The following LDLRAD4 variants were observed in gnomAD, a reference collection of about 807,000 sequenced individuals.
The protein encoded by LDLRAD4 is low-density lipoprotein receptor class A domain-containing protein 4.
Under a neutral mutation model 17.0 loss-of-function variants are expected in LDLRAD4, and 5 were observed. The ratio of observed to expected loss-of-function variants is 0.29; its 90% confidence interval spans 0.15 to 0.62. LDLRAD4 has a LOEUF of 0.62. Among genes scored for constraint, LDLRAD4 ranks in the 20% least tolerant of loss-of-function variants. The pLI is 0.84. For synonymous variants in LDLRAD4, 168 were observed against 171.8 expected (o/e 0.98, Z 0.17); for missense variants, 340 against 424.7 (o/e 0.80, Z 1.75).
chr18:13,453,037 G>T (rs558764211), intron 3 of LDLRAD4, among the ~76,000 whole-genome samples: 1 of 152,350 alleles, frequency 6.6e-6, no homozygotes, highest in Admixed American at 6.5e-5. Context: ...TCAGCATGGG[G>T]AGCACCGCAG....
At chr18:13,539,453 A>G (rs1217889868) in intron 3 of LDLRAD4, among the ~76,000 whole-genome samples, 1 of 152,232 alleles carries the variant, frequency 6.6e-6, no homozygotes, top group Non-Finnish European at 1.5e-5. Flanking sequence ...GCCAATAGGA[A>G]AAACAGATGC....
chr18:13,359,676 A>G (rs1322971381), intron 1 of LDLRAD4, among the ~76,000 whole-genome samples: 1 of 152,206 alleles, frequency 6.6e-6, no homozygotes, highest in Non-Finnish European at 1.5e-5. Context: ...TCTCTCATGG[A>G]TGCCTAATTA....
intron 3 of LDLRAD4, among the ~76,000 whole-genome samples, chr18:13,529,046 T>G (rs1167673910): frequency 6.6e-6 from 1 of 152,252 alleles, no homozygotes; most frequent in South Asian, 2.1e-4. Context: ...GATGTCAGAA[T>G]GATGGGAAGT....
intron 3 of LDLRAD4, chr18:13,585,428 A>G (rs1379883327): frequency 6.6e-6 from 1 of 152,188 alleles, no homozygotes; most frequent in Non-Finnish European, 1.5e-5. Context: ...ATTATGCCTG[A>G]CCGTGGAGAT....
intron 1 of LDLRAD4, among the ~76,000 whole-genome samples, chr18:13,223,358 C>T (rs572632002): frequency 2.6e-4 from 40 of 152,344 alleles, no homozygotes; most frequent in African/African-American, 7.5e-4. Context: ...TGCCAGGTGT[C>T]GCGAGGACCC....
intron 3 of LDLRAD4, among the ~76,000 whole-genome samples, chr18:13,444,135 G>A (rs143056136): frequency 6.6e-6 from 1 of 152,166 alleles, no homozygotes; most frequent in Non-Finnish European, 1.5e-5. Context: ...AAGGATGGGG[G>A]TTCCCTGTCA....
chr18:13,350,706 A>G (rs1436181983), intron 1 of LDLRAD4, among the ~76,000 whole-genome samples: 1 of 152,200 alleles, frequency 6.6e-6, no homozygotes, highest in African/African-American at 2.4e-5. Flanking sequence ...ATCTTTGCCC[A>G]TGCCTGTGTC....
intron 3 of LDLRAD4, among the ~76,000 whole-genome samples, chr18:13,591,200 T>C (rs1043829733): frequency 6.6e-6 from 1 of 152,236 alleles, no homozygotes; most frequent in Non-Finnish European, 1.5e-5. Context: ...ATAAAAACTC[T>C]TGGGGATTCC....
chr18:13,518,125 C>A (rs767146026), intron 3 of LDLRAD4, among the ~76,000 whole-genome samples: 1 of 152,182 alleles, frequency 6.6e-6, no homozygotes, highest in African/African-American at 2.4e-5. Flanking sequence ...CTGGAAAACT[C>A]GCAGATTTTC....
intron 3 of LDLRAD4, chr18:13,489,150 T>A (rs1313501160): frequency 7.1e-6 from 1 of 141,462 alleles, no homozygotes; most frequent in African/African-American, 2.7e-5. Context: ...CTACCCATTC[T>A]TTCTTTCTTT....
At chr18:13,553,419 T>C (rs1196777479) in intron 3 of LDLRAD4, among the ~76,000 whole-genome samples, 1 of 152,204 alleles carries the variant, frequency 6.6e-6, no homozygotes, top group Non-Finnish European at 1.5e-5. Flanking sequence ...TGAAGAATGG[T>C]GTTCTTAAAA....
chr18:13,538,530 AT>A (rs932338314), intron 3 of LDLRAD4, among the ~76,000 whole-genome samples: 15 of 144,536 alleles, frequency 1.0e-4, no homozygotes, highest in African/African-American at 3.8e-4. Flanking sequence ...GATGTCTATG[AT>A]TTTTTTTTTT....
intron 1 of LDLRAD4, among the ~76,000 whole-genome samples, chr18:13,361,928 A>G (rs2083701083): frequency 6.6e-6 from 1 of 152,016 alleles, no homozygotes; most frequent in African/African-American, 2.4e-5. Context: ...TGAAGGTTTA[A>G]TAGGAGCGTA....
intron 1 of LDLRAD4, among the ~76,000 whole-genome samples, chr18:13,278,679 T>C (rs2045047779): frequency 6.6e-6 from 1 of 152,210 alleles, no homozygotes; most frequent in African/African-American, 2.4e-5. Flanking sequence ...TCCCTATATT[T>C]TTAATGTGCC....
intron 1 of LDLRAD4, among the ~76,000 whole-genome samples, chr18:13,364,804 T>G (rs557079044): frequency 6.6e-6 from 1 of 152,330 alleles, no homozygotes; most frequent in South Asian, 2.1e-4. Context: ...CTTTCAGTAG[T>G]TCCTCATGGA....
intron 3 of LDLRAD4, among the ~76,000 whole-genome samples, chr18:13,544,885 CTTTTTTTTTT>C (rs58284452): frequency 1.1e-4 from 13 of 122,834 alleles, no homozygotes; most frequent in Admixed American, 3.3e-4. Context: ...GATGGTTTGT[CTTTTTTTTTT>C]TTTTTTTTTT....
In LDLRAD4 at chr18:13,597,883, A is replaced by G. The variant is rs151284789; in HGVS notation, c.182-23234A>G. ...ATTTGGTTTTTTCACAGATAATTCT[A>G]TTTCTTTATTGATATTCTCTGTTTG... On this transcript the variant is annotated intron_variant, in intron 3 of 5. Coordinates refer to ENST00000359446, the Ensembl canonical transcript of LDLRAD4. Among the ~76,000 whole-genome samples, 1,159 of 152,080 alleles carry G rather than the reference A, an allele frequency of 7.6e-3. 13 individuals carry two copies. Among genetic ancestry groups the G allele is most frequent in the Non-Finnish European group, 9.9e-3 (675 of 67,994 alleles).
intron 3 of LDLRAD4, among the ~76,000 whole-genome samples, chr18:13,609,654 C>T (rs1451440089): frequency 6.6e-6 from 1 of 152,130 alleles, no homozygotes; most frequent in Non-Finnish European, 1.5e-5. Context: ...GAACATTAAA[C>T]TGAGTGGGCA....
chr18:13,450,327 C>A (rs55662772), intron 3 of LDLRAD4, among the ~76,000 whole-genome samples: 2,247 of 27,834 alleles, frequency 0.081, 114 homozygotes, highest in African/African-American at 0.2. Context: ...TCTCCCCCCA[C>A]CCCCCCCCCC....
Sources: allele counts gnomAD v4.1 joint callset (sites outside exome capture counted in the v4.1 genomes callset), GRCh38; gene constraint gnomAD v4.1.1; transcripts MANE v1.5; gene names NCBI Gene and HGNC (gene_info 2026-07-23, HGNC 2026-07-21).